The following NLRP1 variants were observed in gnomAD, a reference collection of about 807,000 sequenced individuals.
NLRP1 encodes the protein NACHT, LRR and PYD domains-containing protein 1.
In NLRP1, 94 loss-of-function variants were observed where a neutral mutation model predicts 136.7. The observed-to-expected ratio is 0.69, with a 90% CI of 0.58 to 0.82. The LOEUF is 0.82. Among genes scored for constraint, NLRP1 ranks in the 40% least tolerant of loss-of-function variants. NLRP1 has a pLI of 0.00. For synonymous variants in NLRP1, 690 were observed against 725.1 expected (o/e 0.95, Z 0.78); for missense variants, 1,575 against 1,802.7 (o/e 0.87, Z 2.29).
downstream of NLRP1, among the ~76,000 whole-genome samples, chr17:5,513,865 G>A (rs1205644874): frequency 6.6e-6 from 1 of 152,144 alleles, no homozygotes; most frequent in African/African-American, 2.4e-5. Context: ...TGTCCTCGCT[G>A]CTCATTATAT....
chr17:5,520,004 ACAC>A (rs1453698269), intron 14 of NLRP1, among the ~76,000 whole-genome samples: 2 of 151,138 alleles, frequency 1.3e-5, no homozygotes, highest in African/African-American at 4.9e-5. Context: ...TTACAGGCAT[ACAC>A]CACCACACCC....
chr17:5,502,036 T>G (rs897351598), intron 15 of NLRP1: 1 of 625,768 alleles, frequency 1.6e-6, no homozygotes, highest in African/African-American at 1.8e-5. Context: ...AAGGCCAGGA[T>G]GCTGAAACGC....
chr17:5,535,417 C>T (rs914374904), intron 8 of NLRP1, among the ~76,000 whole-genome samples: 2 of 152,172 alleles, frequency 1.3e-5, no homozygotes, highest in Non-Finnish European at 2.9e-5. Context: ...AAACTCTTTT[C>T]TCTCTCAGAG....
At chr17:5,531,888 G>A (rs772654573) in intron 11 of NLRP1, among the ~76,000 whole-genome samples, 24 of 152,160 alleles carry the variant, frequency 1.6e-4, no homozygotes, top group Non-Finnish European at 2.8e-4. Flanking sequence ...AGAGTTAAGT[G>A]AGATTTAAGA....
intron 12 of NLRP1, among the ~76,000 whole-genome samples, chr17:5,522,052 T>C (rs1339099073): frequency 2.0e-5 from 3 of 152,242 alleles, no homozygotes; most frequent in African/African-American, 7.2e-5. Context: ...CTTGAACTCC[T>C]GACCTCAGGT....
intron 15 of NLRP1, among the ~76,000 whole-genome samples, chr17:5,508,334 A>G (rs868721705): frequency 6.6e-6 from 1 of 152,208 alleles, no homozygotes; most frequent in Non-Finnish European, 1.5e-5. Context: ...TTTGTTTTGT[A>G]GAGACAGAGT....
chr17:5,573,853 G>C (rs1904701509), intron 3 of NLRP1, among the ~76,000 whole-genome samples: 1 of 152,114 alleles, frequency 6.6e-6, no homozygotes, highest in Admixed American at 6.5e-5. Flanking sequence ...CACAAAGATG[G>C]GGAAAAAACT....
At chr17:5,511,311 A>C (rs1907610178), downstream of NLRP1, among the ~76,000 whole-genome samples, 1 of 152,002 alleles carries the variant, frequency 6.6e-6, no homozygotes, top group Non-Finnish European at 1.5e-5. Flanking sequence ...GGGCGCCTGT[A>C]ATCCCAGCTA....
intron 3 of NLRP1, among the ~76,000 whole-genome samples, chr17:5,572,616 A>G (rs1236361557): frequency 6.6e-6 from 1 of 151,792 alleles, no homozygotes; most frequent in Admixed American, 6.6e-5. Context: ...AGGGTGAGGC[A>G]GGAGAATCCC....
intron 3 of NLRP1, among the ~76,000 whole-genome samples, chr17:5,575,994 T>C (rs1904975915): frequency 6.6e-6 from 1 of 152,176 alleles, no homozygotes; most frequent in Non-Finnish European, 1.5e-5. Context: ...CTCAACTACA[T>C]GGAAACTGAA....
intron 14 of NLRP1, chr17:5,518,304 T>A (rs1908410670): frequency 1.2e-5 from 2 of 171,356 alleles, no homozygotes; most frequent in Non-Finnish European, 2.5e-5. Context: ...CCCACTGTCT[T>A]CCAAACATGC....
Position 5,558,506 on chromosome 17 carries a change from G to A in NLRP1, c.2190C>T (p.Phe730=), listed in dbSNP as rs1381466277. The change falls in exon 4 of 17, where the codon TTC becomes TTT. Residue 730 remains phenylalanine (F), a synonymous_variant. Coordinates refer to ENST00000572272, the MANE Select transcript of NLRP1 (RefSeq NM_033004.4). The part of the protein sequence containing the change: ...HCLYETRNKT[F]LTQVMAHFEE... ...CGAAATGGGCCATCACTTGTGTCAG[G>A]AACGTTTTGTTCCGAGTCTCGTACA... The A allele has an allele frequency of 5.0e-6, 8 of 1,613,922 alleles. No individual in the cohort carries two copies. The highest frequency in any genetic ancestry group is 5.9e-6 in the Non-Finnish European group (7 of 1,179,998).
Position 5,521,551 on chromosome 17 carries a change from C to G in NLRP1, c.3756G>C (p.Leu1252=). ...HPEEVTFHLY[L]IPSDCSIRKA... is the part of the protein sequence containing the mutation. The stretch of plus-strand genomic sequence containing the variant: ...TCCGAATGGAGCAGTCACTTGGGAT[C>G]AGGTAGAGGTGGAAGGTGACTTCCT... The change falls in exon 13 of 17, where the codon CTG becomes CTC. Residue 1252 remains leucine (L), a synonymous_variant. Coordinates refer to ENST00000572272, the MANE Select transcript of NLRP1 (RefSeq NM_033004.4). 9 of 1,613,930 alleles carry G rather than the reference C, an allele frequency of 5.6e-6. No homozygotes were observed. Among genetic ancestry groups the G allele is most frequent in the South Asian group, 1.1e-5 (1 of 91,060 alleles).
intron 3 of NLRP1, among the ~76,000 whole-genome samples, chr17:5,569,304 C>T (rs188143036): frequency 9.8e-4 from 149 of 152,264 alleles, no homozygotes; most frequent in Middle Eastern, 3.4e-3. Flanking sequence ...GGGCTAAATG[C>T]TCCCATTAAA....
intron 5 of NLRP1, among the ~76,000 whole-genome samples, chr17:5,543,491 T>A (rs1912142396): frequency 6.6e-6 from 1 of 152,028 alleles, no homozygotes; most frequent in Non-Finnish European, 1.5e-5. Context: ...CATTATAAGA[T>A]GTTTAGACCT....
chr17:5,559,462 C>T lies in NLRP1; in HGVS notation c.1234G>A (p.Val412Ile), dbSNP rs202050733. Reference protein sequence around the residue: ...PERLLFILDGVDEPGWVLQEP... With the variant: ...PERLLFILDGIDEPGWVLQEP... ...TGCAAGACCCATCCTGGCTCATCTA[C>T]ACCATCGAGGATGAAGAGCAGCCGC... The change falls in exon 4 of 17, where the codon GTA (valine) becomes ATA (isoleucine). Residue 412 changes from valine to isoleucine, a missense_variant. Val to Ile is a conservative substitution (Grantham distance 29, BLOSUM62 3). Coordinates refer to ENST00000572272, the MANE Select transcript of NLRP1 (RefSeq NM_033004.4). 6.1e-5 allele frequency: 99 copies of T among 1,614,102 alleles called. No homozygotes were observed. Among genetic ancestry groups the T allele is most frequent in the Non-Finnish European group, 1.4e-5 (16 of 1,180,040 alleles).
At position 5,559,591 on chromosome 17, in the gene NLRP1, A is replaced by G. The variant is rs1318141124; in HGVS notation, c.1105T>C (p.Cys369Arg). 1 of 1,614,100 alleles carries G rather than the reference A, an allele frequency of 6.2e-7. No individual in the cohort carries two copies. Among genetic ancestry groups the G allele is most frequent in the South Asian group, 1.1e-5 (1 of 91,090 alleles). ...ACCTTGGACTGGGCCAGCTCTCTGC[A>G]GCTGAAGTAGAAGACATGCTGGAAG... is the stretch of plus-strand genomic sequence containing the variant. ...DRFQHVFYFS[C>R]RELAQSKVVS... is the part of the protein sequence containing the mutation. The change falls in exon 4 of 17, where the codon TGC (cysteine) becomes CGC (arginine). Residue 369 changes from cysteine to arginine, a missense_variant. Coordinates refer to ENST00000572272, the MANE Select transcript of NLRP1 (RefSeq NM_033004.4).
intron 5 of NLRP1, among the ~76,000 whole-genome samples, chr17:5,552,050 C>T (rs1006249553): frequency 6.9e-6 from 1 of 144,132 alleles, no homozygotes; most frequent in African/African-American, 2.6e-5. Context: ...TTTGGGATTA[C>T]AGGCATGGGC....
intron 15 of NLRP1, among the ~76,000 whole-genome samples, chr17:5,509,059 T>C (rs918793328): frequency 2.0e-5 from 3 of 152,236 alleles, no homozygotes; most frequent in Admixed American, 6.5e-5. Context: ...TGGCCCCGCA[T>C]TGCCTAGCAA....
Sources: gnomAD v4.1 joint callset for allele counts (sites outside exome capture counted in the v4.1 genomes callset) on GRCh38, gnomAD v4.1.1 for gene constraint, MANE v1.5 for transcripts, NCBI Gene and HGNC (gene_info 2026-07-23, HGNC 2026-07-21) for gene names.